Variants in LCMT1 observed in about 807,000 individuals in gnomAD.
LCMT1 encodes leucine carboxyl methyltransferase 1.
LCMT1 carries 32 observed loss-of-function variants against 47.7 expected under a neutral mutation model. The ratio of observed to expected loss-of-function variants is 0.67; its 90% confidence interval spans 0.51 to 0.90. LCMT1 has a LOEUF of 0.90. Ranked by LOEUF, LCMT1 falls within the 40% of genes least tolerant of loss-of-function variation. The pLI, the probability that LCMT1 is intolerant of heterozygous loss-of-function variation, is 0.00. For missense variants in LCMT1, 375 were observed against 415.2 expected, an observed-to-expected ratio of 0.90 and a Z score of 0.84; for synonymous variants, 152 against 149.7, an observed-to-expected ratio of 1.02 and a Z score of -0.11.
chr16:25,128,485 A>T lies in LCMT1; in HGVS notation c.124A>T (p.Ser42Cys). The T allele has an allele frequency of 6.2e-7, 1 of 1,609,224 alleles. No individual in the cohort carries two copies. The highest frequency in any genetic ancestry group is 8.5e-7 in the Non-Finnish European group (1 of 1,177,720). ...DASLCKRFAV[S>C]IGYWHDPYIQ... ...TTTTCTCCCTTCCAGGTTTGCAGTA[A>T]GCATTGGCTACTGGCATGACCCTTA... The change falls in exon 2 of 11, where the codon AGC becomes TGC. Residue 42 changes from serine to cysteine, a missense_variant. By Grantham distance (112) the Ser-to-Cys change is moderately radical. Coordinates refer to ENST00000399069, the MANE Select transcript of LCMT1 (RefSeq NM_016309.3).
At chr16:25,174,481 C>T (rs549277473) in intron 9 of LCMT1, among the ~76,000 whole-genome samples, 245 of 152,194 alleles carry the variant, frequency 1.6e-3, no homozygotes, top group African/African-American at 5.5e-3. Context: ...TTTTAAATTA[C>T]GCAACTTGCT....
intron 1 of LCMT1, among the ~76,000 whole-genome samples, chr16:25,120,534 C>T (rs1280773482): frequency 6.6e-6 from 1 of 151,672 alleles, no homozygotes; most frequent in Non-Finnish European, 1.5e-5. Flanking sequence ...AAGCGATTCT[C>T]ATGCCTCAGC....
intron 1 of LCMT1, among the ~76,000 whole-genome samples, chr16:25,123,649 C>G (rs1212923425): frequency 2.1e-5 from 3 of 145,370 alleles, no homozygotes; most frequent in African/African-American, 7.8e-5. Context: ...GCTCTGTCAC[C>G]CAGGCTGGAG....
intron 1 of LCMT1, among the ~76,000 whole-genome samples, chr16:25,115,930 A>G (rs1959771126): frequency 6.6e-6 from 1 of 152,174 alleles, no homozygotes; most frequent in African/African-American, 2.4e-5. Context: ...CACCTGCCTC[A>G]GCCCCTCAAA....
chr16:25,166,015 C>T (rs1380995307), intron 7 of LCMT1, among the ~76,000 whole-genome samples: 1 of 151,862 alleles, frequency 6.6e-6, no homozygotes, highest in African/African-American at 2.4e-5. Flanking sequence ...CGCCTGTGAT[C>T]CCAGCACTTT....
intron 4 of LCMT1, among the ~76,000 whole-genome samples, chr16:25,151,187 A>G (rs1162297234): frequency 6.6e-6 from 1 of 152,200 alleles, no homozygotes; most frequent in Admixed American, 6.6e-5. Flanking sequence ...TTTGATTGAG[A>G]ATAGGCAGCA....
At chr16:25,123,432 C>T (rs1960059510) in intron 1 of LCMT1, among the ~76,000 whole-genome samples, 1 of 151,790 alleles carries the variant, frequency 6.6e-6, no homozygotes, top group Non-Finnish European at 1.5e-5. Flanking sequence ...GCCATGTTGG[C>T]CAGGCTGGTC....
At position 25,114,250 on chromosome 16, in the gene LCMT1, C is replaced by T. The variant is rs147991663; in HGVS notation, c.113+2254C>T. Among the ~76,000 whole-genome samples, 9 of 152,236 alleles carry T rather than the reference C, an allele frequency of 5.9e-5. No homozygotes were observed. In the East Asian group the frequency reaches 7.7e-4, roughly 13 times the overall value. On this transcript the variant is annotated intron_variant, in intron 1 of 10. Transcript: ENST00000399069. ...CTTCCTTTGGTATAGAGTCCTTCTG[C>T]GGATAAGTAGGATGTTATCTGTCTC...
intron 5 of LCMT1, among the ~76,000 whole-genome samples, chr16:25,157,150 TTGTG>T (rs36066156): frequency 6.7e-6 from 1 of 149,856 alleles, no homozygotes; most frequent in Non-Finnish European, 1.5e-5. Context: ...ACACCAGCAC[TTGTG>T]TGTGTGTGTG....
At chr16:25,135,725 G>A (rs1960484493) in intron 3 of LCMT1, among the ~76,000 whole-genome samples, 1 of 152,106 alleles carries the variant, frequency 6.6e-6, no homozygotes, top group African/African-American at 2.4e-5. Context: ...GCCCAAGACT[G>A]TACAGTTAAA....
At chr16:25,160,857 G>A (rs1961406584) in intron 5 of LCMT1, 9 of 618,264 alleles carry the variant, frequency 1.5e-5, no homozygotes, top group South Asian at 1.3e-4. Flanking sequence ...GTGCATGAGA[G>A]GGGATGTGTT....
rs140333078 is a variant in LCMT1, at chr16:25,163,143, G to A, written c.570-1455G>A. On this transcript the variant is annotated intron_variant, in intron 6 of 10. Transcript: ENST00000399069. ...TCCCAAAGTGTTGGAATTAACAGGCGTGAGCCATTGCACCCAGCCAGTTTT... is the reference window on the plus strand; with the variant it reads ...TCCCAAAGTGTTGGAATTAACAGGCATGAGCCATTGCACCCAGCCAGTTTT... 7.9e-3 allele frequency among the ~76,000 whole-genome samples: 1,210 copies of A among 152,326 alleles called. 18 individuals are homozygous for A. The highest frequency in any genetic ancestry group is 0.028 in the African/African-American group (1,163 of 41,574).
intron 7 of LCMT1, among the ~76,000 whole-genome samples, chr16:25,168,890 G>A (rs538589510): frequency 2.6e-5 from 4 of 152,270 alleles, no homozygotes; most frequent in Non-Finnish European, 4.4e-5. Flanking sequence ...CACAAGTTGA[G>A]CATTTAAAAT....
In LCMT1 at chr16:25,120,731, G is replaced by GTTTT. The variant is rs1434579218; in HGVS notation, c.114-7740_114-7737dup. ...GGCGTGAGACACCGCACCTGGCCTT[G>GTTTT]TTTTTTTGTTTTTTTTTTTTGTTTT... On this transcript the variant is annotated intron_variant, in intron 1 of 10. Coordinates refer to ENST00000399069, the MANE Select transcript of LCMT1 (RefSeq NM_016309.3). 1.4e-3 allele frequency among the ~76,000 whole-genome samples: 185 copies of GTTTT among 132,456 alleles called. 6 individuals carry two copies. Among genetic ancestry groups the GTTTT allele is most frequent in the African/African-American group, 5.0e-3 (173 of 34,358 alleles). The allele number at this position is 132,456 out of a possible 152,430, so 86.9% of individuals were successfully genotyped here.
intron 1 of LCMT1, among the ~76,000 whole-genome samples, chr16:25,124,731 C>T (rs1960108920): frequency 6.6e-6 from 1 of 152,164 alleles, no homozygotes; most frequent in Non-Finnish European, 1.5e-5. Context: ...CCAGTTGACG[C>T]TCGTGGAGAC....
chr16:25,159,334 A>G (rs374917844), intron 5 of LCMT1, among the ~76,000 whole-genome samples: 5 of 152,366 alleles, frequency 3.3e-5, no homozygotes, highest in African/African-American at 1.2e-4. Flanking sequence ...CAGAGGCACG[A>G]TCATAGCTCA....
At chr16:25,158,263 T>C (rs549462876) in intron 5 of LCMT1, among the ~76,000 whole-genome samples, 75 of 152,326 alleles carry the variant, frequency 4.9e-4, no homozygotes, top group Admixed American at 6.5e-4. Context: ...GCAATTCCCA[T>C]GCCTCAGCCT....
intron 4 of LCMT1, chr16:25,145,776 T>C (rs886646985): frequency 1.3e-5 from 2 of 152,262 alleles, no homozygotes; most frequent in African/African-American, 2.4e-5. Context: ...TTAGGAGGTA[T>C]GATTTCCTCC....
intron 1 of LCMT1, among the ~76,000 whole-genome samples, chr16:25,116,898 A>G (rs1959805896): frequency 6.6e-6 from 1 of 151,576 alleles, no homozygotes; most frequent in Admixed American, 6.6e-5. Flanking sequence ...CTCAGAAAAC[A>G]AAAAAAAGAG....
Sources: allele counts gnomAD v4.1 joint callset (sites outside exome capture counted in the v4.1 genomes callset), GRCh38; gene constraint gnomAD v4.1.1; transcripts MANE v1.5; gene names NCBI Gene and HGNC (gene_info 2026-07-23, HGNC 2026-07-21).